NXPE1: variants seen among roughly 807,000 people sequenced by gnomAD.
NXPE1 encodes neurexophilin and PC-esterase domain family member 1.
A neutral mutation model predicts 33.3 loss-of-function variants in NXPE1; 31 were observed. The ratio of observed to expected loss-of-function variants is 0.93; its 90% CI spans 0.70 to 1.26. The LOEUF (loss-of-function observed/expected upper bound fraction) is 1.26. NXPE1 is among the 50% of genes most tolerant of loss of function. The pLI, the probability that NXPE1 is intolerant of heterozygous loss-of-function variation, is 0.00. For synonymous variants in NXPE1, 229 were observed against 231.4 expected, an observed-to-expected ratio of 0.99 and a Z score of 0.09; for missense variants, 661 against 655.6, an observed-to-expected ratio of 1.01 and a Z score of -0.09.
Position 114,540,885 on chromosome 11 carries a change from T to TTTTTTTTTTTTTTTTTTTTTTTTTG in NXPE1, c.100-9978_100-9977insCAAAAAAAAAAAAAAAAAAAAAAAA, listed in dbSNP as rs754802719. ...TTTTTTTTTTTTTTTTTTTTTTTTT[T>TTTTTTTTTTTTTTTTTTTTTTTTTG]GGCTTGAACAACCTGAGAGCAGAGT... On this transcript the variant is annotated intron_variant, in intron 5 of 8. Coordinates refer to ENST00000534921, the Ensembl canonical transcript of NXPE1. 2.5e-5 allele frequency among the ~76,000 whole-genome samples: 2 copies of TTTTTTTTTTTTTTTTTTTTTTTTTG among 81,242 alleles called. 1 individual carries two copies. Among genetic ancestry groups the TTTTTTTTTTTTTTTTTTTTTTTTTG allele is most frequent in the Non-Finnish European group, 4.9e-5 (2 of 40,696 alleles). The allele number at this position is 81,242 out of a possible 152,430, so 53.3% of individuals were successfully genotyped here.
At chr11:114,534,824 C>T (rs1429568729) in intron 5 of NXPE1, among the ~76,000 whole-genome samples, 5 of 152,234 alleles carry the variant, frequency 3.3e-5, no homozygotes, top group Non-Finnish European at 7.4e-5. Context: ...CTGAAAGTGA[C>T]GGGGAGAATG....
chr11:114,559,563 C>T (rs1186737383), intron 1 of NXPE1, among the ~76,000 whole-genome samples: 3 of 151,788 alleles, frequency 2.0e-5, no homozygotes, highest in Admixed American at 6.6e-5. Flanking sequence ...GCTGTCTCAC[C>T]GTCAAAACCA....
rs1328370993 is a variant in NXPE1, at chr11:114,522,516, CAAAT to C, written c.1109-17_1109-14del. On this transcript the variant is annotated splice_polypyrimidine_tract_variant and intron_variant, in intron 8 of 8. Transcript: ENST00000534921. ...AAAAACTTCAGTGCTGATAAAAAAA[CAAAT>C]AGATGTTTTAAATAGAAGATAATGG... 1 of 1,555,516 alleles carries C rather than the reference CAAAT, an allele frequency of 6.4e-7. No homozygotes were observed. The highest frequency in any genetic ancestry group is 8.7e-7 in the Non-Finnish European group (1 of 1,147,962).
intron 1 of NXPE1, among the ~76,000 whole-genome samples, chr11:114,558,336 AG>A (rs1948706241): frequency 1.3e-5 from 2 of 152,162 alleles, no homozygotes; most frequent in Non-Finnish European, 2.9e-5. Flanking sequence ...GCTTTTATAT[AG>A]GCACACATAG....
At chr11:114,545,850 A>T (rs1298011823) in intron 5 of NXPE1, among the ~76,000 whole-genome samples, 2 of 152,014 alleles carry the variant, frequency 1.3e-5, no homozygotes, top group Non-Finnish European at 2.9e-5. Flanking sequence ...CACCACGCCC[A>T]GCTAATTTTT....
chr11:114,549,663 A>C (rs559569692), intron 5 of NXPE1, among the ~76,000 whole-genome samples: 7 of 152,222 alleles, frequency 4.6e-5, no homozygotes, highest in Admixed American at 6.5e-5. Flanking sequence ...TGTCACCAAA[A>C]TCAGGAACAA....
intron 5 of NXPE1, among the ~76,000 whole-genome samples, chr11:114,544,343 C>T (rs914887381): frequency 4.6e-5 from 7 of 152,100 alleles, no homozygotes; most frequent in Admixed American, 6.5e-5. Flanking sequence ...ACAAAGCTGC[C>T]GTTATCAAGA....
rs151227911 is a variant in NXPE1, at chr11:114,530,441, C to T, written c.567G>A (p.Ala189=). ...GGTTCCTTGCCCTCCAGAGAGCCGA[C>T]GCCCCTTCACTGGGGTGGATGAGCA... Residue 189 remains alanine, a synonymous_variant, in exon 6 of 9, where the codon GCG becomes GCA. Coordinates refer to ENST00000534921, the Ensembl canonical transcript of NXPE1. 272 of 1,614,234 alleles carry T rather than the reference C, an allele frequency of 1.7e-4. No homozygotes were observed. The East Asian group carries it at 2.0e-3, about 12-fold the overall frequency.
chr11:114,534,409 C>G (rs976350155), intron 5 of NXPE1, among the ~76,000 whole-genome samples: 2 of 152,190 alleles, frequency 1.3e-5, no homozygotes, highest in African/African-American at 4.8e-5. Context: ...CAGCTCCTCA[C>G]CAGCAACAGA....
At chr11:114,523,877 C>T (rs543423812) in intron 7 of NXPE1, among the ~76,000 whole-genome samples, 6 of 152,306 alleles carry the variant, frequency 3.9e-5, no homozygotes, top group East Asian at 1.9e-4. Flanking sequence ...ACTGATACTA[C>T]GTTCTGTATG....
chr11:114,559,031 A>T (rs1362583725), intron 1 of NXPE1, among the ~76,000 whole-genome samples: 1 of 152,248 alleles, frequency 6.6e-6, no homozygotes, highest in Non-Finnish European at 1.5e-5. Flanking sequence ...TTTACCTGTA[A>T]TATGAAGAGC....
At chr11:114,546,847 C>T (rs537050654) in intron 5 of NXPE1, among the ~76,000 whole-genome samples, 1 of 152,106 alleles carries the variant, frequency 6.6e-6, no homozygotes, top group East Asian at 1.9e-4. Flanking sequence ...AACACAGGAA[C>T]CAATGGAAAG....
intron 5 of NXPE1, among the ~76,000 whole-genome samples, chr11:114,548,453 A>G (rs1948353797): frequency 6.6e-6 from 1 of 152,104 alleles, no homozygotes; most frequent in Admixed American, 6.5e-5. Context: ...TAACTGGTAG[A>G]AATAATAATA....
chr11:114,549,453 A>G (rs951389261), intron 5 of NXPE1, among the ~76,000 whole-genome samples: 1 of 152,050 alleles, frequency 6.6e-6, no homozygotes, highest in African/African-American at 2.4e-5. Flanking sequence ...TCCGTTTTTA[A>G]TGTAATTCTT....
At chr11:114,526,770 C>T (rs187990285) in intron 7 of NXPE1, 2 of 152,304 alleles carry the variant, frequency 1.3e-5, no homozygotes, top group East Asian at 3.9e-4. Flanking sequence ...TTACTTCTAA[C>T]AAGGAATAAT....
chr11:114,534,119 C>T lies in NXPE1; in HGVS notation c.100-3211G>A, dbSNP rs539893289. Among the ~76,000 whole-genome samples, 11 of 152,322 alleles carry T rather than the reference C, an allele frequency of 7.2e-5. No individual in the cohort carries two copies. The East Asian group carries it at 1.4e-3, about 19-fold the overall frequency. On this transcript the variant is annotated intron_variant, in intron 5 of 8. Coordinates refer to ENST00000534921, the Ensembl canonical transcript of NXPE1. ...AGGAACGATCAGGCAGCAGCATTTG[C>T]GGTTAACCAATATCCGCTGTTCTGC... is the stretch of plus-strand genomic sequence containing the variant.
At chr11:114,551,529 G>T in intron 3 of NXPE1, 88 bp from the exon 4 acceptor site, 2 of 496,712 alleles carry the variant, frequency 4.0e-6, no homozygotes, top group Non-Finnish European at 5.4e-6. Flanking sequence ...ACAATGAGAA[G>T]CAGAAAACTT....
chr11:114,549,515 C>T (rs1948400108), intron 5 of NXPE1, among the ~76,000 whole-genome samples: 1 of 151,936 alleles, frequency 6.6e-6, no homozygotes, highest in African/African-American at 2.4e-5. Context: ...CATAAAAGCA[C>T]AATAGGACTT....
intron 2 of NXPE1, among the ~76,000 whole-genome samples, chr11:114,552,582 AAAG>A (rs200073544): frequency 0.019 from 2,943 of 152,124 alleles, 98 homozygotes; most frequent in African/African-American, 0.068. Flanking sequence ...TCAATAGGAC[AAAG>A]AAGAAGAAAT....
Sources: allele counts gnomAD v4.1 joint callset (sites outside exome capture counted in the v4.1 genomes callset), GRCh38; gene constraint gnomAD v4.1.1; transcripts MANE v1.5; gene names NCBI Gene and HGNC (gene_info 2026-07-23, HGNC 2026-07-21).